SUGCT: variants seen among roughly 807,000 people sequenced by gnomAD.
SUGCT encodes succinyl-CoA:glutarate-CoA transferase, also known as succinyl-CoA:glutarate CoA-transferase.
Under a neutral mutation model 55.0 loss-of-function variants are expected in SUGCT, and 41 were observed. The ratio of observed to expected loss-of-function variants is 0.74; its 90% CI spans 0.58 to 0.97. SUGCT has a LOEUF of 0.97. Ranked by LOEUF, SUGCT falls within the 50% of genes least tolerant of loss-of-function variation. The pLI, the probability that SUGCT is intolerant of heterozygous loss-of-function variation, is 0.00. For missense variants in SUGCT, 568 were observed against 547.8 expected (o/e 1.04, Z -0.37); for synonymous variants, 187 against 200.4 (o/e 0.93, Z 0.56).
the SUGCT span, among the ~76,000 whole-genome samples, chr7:41,026,984 A>T: frequency 3.9e-5 from 6 of 152,182 alleles, no homozygotes; most frequent in Non-Finnish European, 8.8e-5. Context: ...GTGAGCCGAG[A>T]TCATGCCATT....
the SUGCT span, among the ~76,000 whole-genome samples, chr7:40,992,663 A>G: frequency 8.2e-6 from 1 of 122,484 alleles, no homozygotes; most frequent in Non-Finnish European, 1.8e-5. Flanking sequence ...GGAGGTATGT[A>G]TGAAGTAGTT....
chr7:40,484,061 A>G (rs939652614), intron 11 of SUGCT, among the ~76,000 whole-genome samples: 5 of 152,202 alleles, frequency 3.3e-5, no homozygotes, highest in Non-Finnish European at 1.5e-5. Flanking sequence ...TTTCCTTAGA[A>G]CAAATGAGAA....
chr7:40,633,852 T>C (rs1458058661), intron 12 of SUGCT, among the ~76,000 whole-genome samples: 1 of 152,232 alleles, frequency 6.6e-6, no homozygotes, highest in Non-Finnish European at 1.5e-5. Context: ...TATCAGACCT[T>C]TGCATTACCT....
intron 12 of SUGCT, among the ~76,000 whole-genome samples, chr7:40,727,556 C>A (rs1786672733): frequency 6.6e-6 from 1 of 152,166 alleles, no homozygotes; most frequent in Admixed American, 6.5e-5. Context: ...GATATCTGTG[C>A]TGAAGCTCAG....
the SUGCT span, among the ~76,000 whole-genome samples, chr7:40,989,256 A>G: frequency 1.4e-4 from 21 of 152,176 alleles, no homozygotes. Context: ...GTTTCATAGC[A>G]TTTTACTCAC....
chr7:40,141,699 G>C (rs1420171817), intron 1 of SUGCT: 2 of 202,728 alleles, frequency 9.9e-6, no homozygotes, highest in Non-Finnish European at 2.1e-5. Context: ...AAGATTGAGG[G>C]AGAGGGAATT....
At chr7:40,356,928 A>G (rs146189256) in intron 9 of SUGCT, among the ~76,000 whole-genome samples, 1 of 152,322 alleles carries the variant, frequency 6.6e-6, no homozygotes, top group East Asian at 1.9e-4. Context: ...GACTATTGAT[A>G]TTGCTTCCAA....
the SUGCT span, among the ~76,000 whole-genome samples, chr7:40,993,250 C>T: frequency 6.6e-6 from 1 of 152,100 alleles, no homozygotes; most frequent in African/African-American, 2.4e-5. Context: ...TTCTACTACC[C>T]ACTAAATGGC....
intron 12 of SUGCT, among the ~76,000 whole-genome samples, chr7:40,593,759 A>G (rs889437526): frequency 2.0e-5 from 3 of 152,244 alleles, no homozygotes; most frequent in Non-Finnish European, 4.4e-5. Flanking sequence ...GAATCACTTG[A>G]GCCTGGGACG....
At chr7:40,586,004 TA>T (rs1275175312) in intron 12 of SUGCT, among the ~76,000 whole-genome samples, 1 of 152,120 alleles carries the variant, frequency 6.6e-6, no homozygotes, top group African/African-American at 2.4e-5. Context: ...AATGACTTAT[TA>T]TTTTTTTTCT....
At chr7:40,311,955 G>T (rs2151099121) in intron 8 of SUGCT, among the ~76,000 whole-genome samples, 2 of 152,098 alleles carry the variant, frequency 1.3e-5, no homozygotes, top group East Asian at 3.9e-4. Context: ...TTAAAAGGAG[G>T]GATAGAAGAA....
chr7:40,568,368 A>T (rs985820989), intron 12 of SUGCT, among the ~76,000 whole-genome samples: 16 of 152,176 alleles, frequency 1.1e-4, no homozygotes, highest in African/African-American at 3.9e-4. Flanking sequence ...GAACAGGGTC[A>T]AAAACAGATG....
chr7:40,525,052 C>G (rs1793729599), intron 12 of SUGCT, among the ~76,000 whole-genome samples: 1 of 152,162 alleles, frequency 6.6e-6, no homozygotes, highest in Non-Finnish European at 1.5e-5. Flanking sequence ...CTTTGTTAAA[C>G]TGTTAAACAT....
intron 8 of SUGCT, among the ~76,000 whole-genome samples, chr7:40,306,915 A>G (rs944311528): frequency 2.6e-5 from 4 of 152,180 alleles, no homozygotes; most frequent in African/African-American, 9.6e-5. Context: ...GGCATTTGAT[A>G]TCCAGTTTCC....
chr7:40,779,264 C>G (rs1333372091), intron 13 of SUGCT, among the ~76,000 whole-genome samples: 1 of 152,152 alleles, frequency 6.6e-6, no homozygotes, highest in Non-Finnish European at 1.5e-5. Context: ...ATTTCCTAAG[C>G]AGAGCTGATA....
chr7:40,551,565 A>G (rs1795299823), intron 12 of SUGCT, among the ~76,000 whole-genome samples: 1 of 152,364 alleles, frequency 6.6e-6, no homozygotes, highest in Admixed American at 6.5e-5. Flanking sequence ...AAACATTGAC[A>G]GTTCAGGCTG....
At chr7:40,861,631 T>A (rs1794486978), downstream of SUGCT, among the ~76,000 whole-genome samples, 1 of 152,256 alleles carries the variant, frequency 6.6e-6, no homozygotes, top group South Asian at 2.1e-4. Context: ...CTCATTTTCT[T>A]TTCATATTCT....
intron 12 of SUGCT, among the ~76,000 whole-genome samples, chr7:40,648,914 C>T (rs1056391560): frequency 2.0e-5 from 3 of 152,068 alleles, no homozygotes; most frequent in Non-Finnish European, 4.4e-5. Flanking sequence ...TTTAAGCCGC[C>T]TAGTTTGAGG....
intron 6 of SUGCT, among the ~76,000 whole-genome samples, chr7:40,209,271 G>A (rs764939185): frequency 1.2e-4 from 18 of 152,174 alleles, no homozygotes; most frequent in Non-Finnish European, 2.4e-4. Context: ...GGGAGGCCGA[G>A]GCAGGAGGAT....
Sources: gnomAD v4.1 joint callset for allele counts (sites outside exome capture counted in the v4.1 genomes callset) on GRCh38, gnomAD v4.1.1 for gene constraint, MANE v1.5 for transcripts, NCBI Gene and HGNC (gene_info 2026-07-23, HGNC 2026-07-21) for gene names.